Variants in PCDHGA2 observed in about 807,000 individuals in gnomAD.
PCDHGA2 encodes the protein protocadherin gamma-A2.
In PCDHGA2, 40 loss-of-function variants were observed where a neutral mutation model predicts 59.2. That is an observed-to-expected ratio of 0.68 (90% CI 0.52 to 0.88). The LOEUF is 0.88. Ranked by LOEUF, PCDHGA2 falls within the 40% of genes least tolerant of loss-of-function variation. The pLI, the probability that PCDHGA2 is intolerant of heterozygous loss-of-function variation, is 0.00. For synonymous variants in PCDHGA2, 560 were observed against 526.0 expected, an observed-to-expected ratio of 1.06 and a Z score of -0.89; for missense variants, 1,226 against 1,204.0, an observed-to-expected ratio of 1.02 and a Z score of -0.27.
At chr5:141,357,533 C>G in intron 1 of PCDHGA2, 1 of 1,614,194 alleles carries the variant, frequency 6.2e-7, no homozygotes, top group Non-Finnish European at 8.5e-7. Context: ...TATGCAGACA[C>G]GCTCATCAGC....
chr5:141,473,479 G>A (rs1417960508), intron 1 of PCDHGA2, among the ~76,000 whole-genome samples: 1 of 152,118 alleles, frequency 6.6e-6, no homozygotes, highest in Non-Finnish European at 1.5e-5. Flanking sequence ...AAGTTCAATG[G>A]AAAAAATATA....
chr5:141,441,927 G>A (rs2098285195), intron 1 of PCDHGA2: 2 of 354,242 alleles, frequency 5.6e-6, no homozygotes, highest in Non-Finnish European at 1.1e-5. Flanking sequence ...ACAATGCGTG[G>A]CTGTCCTACC....
chr5:141,452,463 G>A (rs2098741767), intron 1 of PCDHGA2, among the ~76,000 whole-genome samples: 1 of 152,160 alleles, frequency 6.6e-6, no homozygotes, highest in African/African-American at 2.4e-5. Flanking sequence ...AGCAGACGGA[G>A]CTAGGAAAAA....
chr5:141,346,659 A>C (rs2149741559), intron 1 of PCDHGA2: 3 of 744,974 alleles, frequency 4.0e-6, no homozygotes, highest in Non-Finnish European at 6.5e-6. Context: ...TTAGGGAAAA[A>C]ATAATACATC....
In PCDHGA2 at chr5:141,423,466, G is replaced by T. The variant is rs770939556; in HGVS notation, c.2425-71341G>T. On this transcript the variant is annotated intron_variant, in intron 1 of 3. Coordinates refer to ENST00000394576, the MANE Select transcript of PCDHGA2 (RefSeq NM_018915.4). Reference sequence around the variant, plus strand: ...GTCACATTTTGTAGGCGTGGACGGGGTACAGGCTTTCCTGCAAACCTATTC... The same window carrying T: ...GTCACATTTTGTAGGCGTGGACGGGTTACAGGCTTTCCTGCAAACCTATTC... 6 of 1,614,022 alleles carry T rather than the reference G, an allele frequency of 3.7e-6. No homozygotes were observed. In the Admixed American group the frequency reaches 5.0e-5, roughly 13 times the overall value.
chr5:141,357,165 G>A (rs368780365), intron 1 of PCDHGA2: 66 of 1,613,556 alleles, frequency 4.1e-5, no homozygotes, highest in East Asian at 3.3e-4. Flanking sequence ...CCCCTCTCTC[G>A]GCCACCGTCA....
At position 141,432,181 on chromosome 5, in the gene PCDHGA2, G is replaced by A. The variant is rs1443322706; in HGVS notation, c.2425-62626G>A. 3.7e-6 allele frequency: 6 copies of A among 1,614,116 alleles called. No homozygotes were observed. In the South Asian group the frequency reaches 6.6e-5, roughly 18 times the overall value. On this transcript the variant is annotated intron_variant, in intron 1 of 3. Coordinates refer to ENST00000394576, the MANE Select transcript of PCDHGA2 (RefSeq NM_018915.4). This position sits in a 1 kb window ranked among gnomAD's most constrained non-coding sequence, Gnocchi z 6.0. ...CCAGAGGAGTTTCCCTCGTCTCTGTGACCGCCCACGACCCCGACTGTGAAG... is the reference window on the plus strand; with the variant it reads ...CCAGAGGAGTTTCCCTCGTCTCTGTAACCGCCCACGACCCCGACTGTGAAG...
chr5:141,392,542 A>C (rs2092551305), intron 1 of PCDHGA2: 1 of 323,320 alleles, frequency 3.1e-6, no homozygotes, highest in African/African-American at 2.1e-5. Flanking sequence ...ATTTAGAAGT[A>C]ATCTGTATCT....
At chr5:141,415,347 C>G in intron 1 of PCDHGA2, 1 of 1,614,238 alleles carries the variant, frequency 6.2e-7, no homozygotes, top group South Asian at 1.1e-5. Flanking sequence ...GGCGCTGGCA[C>G]AAGTCACGCC....
chr5:141,448,784 C>CA (rs576464275), intron 1 of PCDHGA2, among the ~76,000 whole-genome samples: 7,532 of 145,718 alleles, frequency 0.052, 302 homozygotes, highest in African/African-American at 0.11. Flanking sequence ...ACTAAAAATA[C>CA]AAAAAAAAAA....
At chr5:141,451,124 A>T (rs2098707796) in intron 1 of PCDHGA2, among the ~76,000 whole-genome samples, 1 of 152,102 alleles carries the variant, frequency 6.6e-6, no homozygotes, top group Non-Finnish European at 1.5e-5. Context: ...CACCACACCC[A>T]GCCTTATGAT....
chr5:141,372,129 C>G (rs62620756), intron 1 of PCDHGA2: 1 of 1,613,624 alleles, frequency 6.2e-7, no homozygotes, highest in Non-Finnish European at 8.5e-7. Context: ...CGATATGGTG[C>G]CGCGCTCTGC....
chr5:141,344,956 A>T (rs776859804), intron 1 of PCDHGA2: 50 of 1,613,740 alleles, frequency 3.1e-5, no homozygotes, highest in Non-Finnish European at 4.2e-5. Context: ...AAAAGTCTAG[A>T]TTATGAGGAT....
At chr5:141,496,400 A>G (rs540108338) in intron 2 of PCDHGA2, among the ~76,000 whole-genome samples, 2 of 152,240 alleles carry the variant, frequency 1.3e-5, no homozygotes, top group East Asian at 3.9e-4. Flanking sequence ...TACCTCCTCA[A>G]TGGTTGAGTA....
rs768074414 is a variant in PCDHGA2 at position 141,477,293 on chromosome 5, C to T, written c.2425-17514C>T. 8.1e-6 allele frequency: 13 copies of T among 1,614,180 alleles called. No homozygotes were observed. The highest frequency in any genetic ancestry group is 1.1e-5 in the Non-Finnish European group (13 of 1,180,036). ...CGGGCTGGTGACCTGCGAAGTTCCA[C>T]CGGGTCTCCCTTTCAGCCTTACTTC... On this transcript the variant is annotated intron_variant, in intron 1 of 3. Coordinates refer to ENST00000394576, the MANE Select transcript of PCDHGA2 (RefSeq NM_018915.4). This position sits in a 1 kb window ranked among gnomAD's most constrained non-coding sequence, Gnocchi z 4.9.
chr5:141,414,855 C>G, intron 1 of PCDHGA2: 1 of 1,614,238 alleles, frequency 6.2e-7, no homozygotes, highest in South Asian at 1.1e-5. Flanking sequence ...TGGACCAGAA[C>G]GACAATGCGC....
chr5:141,349,875 G>T (rs919038227), intron 1 of PCDHGA2, among the ~76,000 whole-genome samples: 2 of 152,078 alleles, frequency 1.3e-5, no homozygotes, highest in Non-Finnish European at 2.9e-5. Context: ...AATGATGAAG[G>T]CCCTTATCTG....
rs573785314 is a variant in PCDHGA2 at position 141,435,382 on chromosome 5, C to T, written c.2425-59425C>T. 2.0e-5 allele frequency among the ~76,000 whole-genome samples: 3 copies of T among 152,034 alleles called. No homozygotes were observed. In the East Asian group the frequency reaches 5.8e-4, roughly 29 times the overall value. ...TTTATCACTTAAATATACAATATAC[C>T]GTATTGCCATGACGAAAAATGGTAA... On this transcript the variant is annotated intron_variant, in intron 1 of 3. Transcript: ENST00000394576.
At position 141,476,602 on chromosome 5, in the gene PCDHGA2, C is replaced by T; in HGVS notation, c.2425-18205C>T. 6.2e-7 allele frequency: 1 copy of T among 1,614,208 alleles called. No homozygotes were observed. Among genetic ancestry groups the T allele is most frequent in the Middle Eastern group, 1.6e-4 (1 of 6,062 alleles). Reference sequence around the variant, plus strand: ...TTCCGCTCGAGAGCGCGCACGATCCCGATGTGGGAAGCAACTCTTTACAAA... The same window carrying T: ...TTCCGCTCGAGAGCGCGCACGATCCTGATGTGGGAAGCAACTCTTTACAAA... On this transcript the variant is annotated intron_variant, in intron 1 of 3. Coordinates refer to ENST00000394576, the MANE Select transcript of PCDHGA2 (RefSeq NM_018915.4). The surrounding 1 kb of genome is among the most constrained non-coding windows in gnomAD (Gnocchi z 7.6).
Sources: gnomAD v4.1 joint callset for allele counts (sites outside exome capture counted in the v4.1 genomes callset) on GRCh38, gnomAD v4.1.1 for gene constraint, Gnocchi (gnomAD v3.1) non-coding constraint, MANE v1.5 for transcripts, NCBI Gene and HGNC (gene_info 2026-07-23, HGNC 2026-07-21) for gene names.